SIPA1L3: variants seen among roughly 807,000 people sequenced by gnomAD.
The protein encoded by SIPA1L3 is signal-induced proliferation-associated 1-like protein 3.
SIPA1L3 carries 59 observed loss-of-function variants against 150.1 expected under a neutral mutation model. The ratio of observed to expected loss-of-function variants is 0.39; its 90% confidence interval spans 0.32 to 0.49. SIPA1L3 has a LOEUF of 0.49. Ranked by LOEUF, SIPA1L3 falls within the 20% of genes least tolerant of loss-of-function variation. The probability of loss-of-function intolerance (pLI) is 0.86; values close to 1 mark genes in which losing one functional copy is unlikely to be tolerated. For synonymous variants in SIPA1L3, 1,070 were observed against 1,077.6 expected, an observed-to-expected ratio of 0.99 and a Z score of 0.14; for missense variants, 2,211 against 2,489.5, an observed-to-expected ratio of 0.89 and a Z score of 2.38.
At chr19:38,167,256 C>T (rs1231875951) in intron 15 of SIPA1L3, among the ~76,000 whole-genome samples, 3 of 117,956 alleles carry the variant, frequency 2.5e-5, no homozygotes, top group African/African-American at 8.0e-5. Context: ...AAAGGTGAAG[C>T]AGTGGTTTCC....
chr19:38,111,629 G>C (rs1333556908), intron 8 of SIPA1L3, among the ~76,000 whole-genome samples: 1 of 152,214 alleles, frequency 6.6e-6, no homozygotes, highest in Non-Finnish European at 1.5e-5. Context: ...GAAGGGAGGG[G>C]CATCCCAGCC....
intron 15 of SIPA1L3, among the ~76,000 whole-genome samples, chr19:38,175,909 G>T (rs1972424898): frequency 6.6e-6 from 1 of 152,124 alleles, no homozygotes; most frequent in African/African-American, 2.4e-5. Context: ...TGGCGCTCCA[G>T]AAAGAAAGAA....
chr19:38,162,462 C>A, intron 14 of SIPA1L3, 91 bp downstream of exon 14: 1 of 871,718 alleles, frequency 1.1e-6, no homozygotes, highest in South Asian at 1.4e-5. Context: ...TCCTCAACCT[C>A]TGCCACCTTC....
chr19:37,928,531 T>C (rs544364013), intron 1 of SIPA1L3, among the ~76,000 whole-genome samples: 7 of 152,168 alleles, frequency 4.6e-5, no homozygotes, highest in Non-Finnish European at 1.0e-4. Flanking sequence ...GCCAAGATCA[T>C]GCCACTGCAC....
At chr19:37,948,632 C>G (rs971662687) in intron 1 of SIPA1L3, among the ~76,000 whole-genome samples, 1 of 152,118 alleles carries the variant, frequency 6.6e-6, no homozygotes, top group African/African-American at 2.4e-5. Context: ...AGCACCTATG[C>G]CATGGCACAC....
chr19:38,074,370 T>TC (rs1969791651), intron 2 of SIPA1L3, among the ~76,000 whole-genome samples: 1 of 152,240 alleles, frequency 6.6e-6, no homozygotes, highest in Non-Finnish European at 1.5e-5. Flanking sequence ...GGTGCTTGCA[T>TC]AAGCAAGTCA....
intron 12 of SIPA1L3, among the ~76,000 whole-genome samples, chr19:38,149,383 T>C (rs967366742): frequency 1.3e-5 from 2 of 152,004 alleles, no homozygotes; most frequent in African/African-American, 4.8e-5. Context: ...AGACTCCGTC[T>C]CAAAAAAACA....
chr19:37,956,482 G>GTTTTTTTTT (rs34804753), intron 1 of SIPA1L3, among the ~76,000 whole-genome samples: 1 of 126,882 alleles, frequency 7.9e-6, no homozygotes, highest in African/African-American at 2.9e-5. Context: ...AAGTATAAAA[G>GTTTTTTTTT]TTTTGTTTTT....
At chr19:38,190,560 A>G (rs1255721617) in intron 16 of SIPA1L3, among the ~76,000 whole-genome samples, 1 of 152,212 alleles carries the variant, frequency 6.6e-6, no homozygotes, top group Non-Finnish European at 1.5e-5. Context: ...AAACAGAAAA[A>G]GGAAATCCAG....
At chr19:38,132,004 G>T (rs1218530773) in intron 10 of SIPA1L3, among the ~76,000 whole-genome samples, 6 of 152,022 alleles carry the variant, frequency 3.9e-5, no homozygotes, top group Admixed American at 2.0e-4. Context: ...GGAGGCTGAG[G>T]TGGGAAGATC....
At chr19:38,142,437 T>A in intron 11 of SIPA1L3, 136 bp from the exon 12 acceptor site, 1 of 943,032 alleles carries the variant, frequency 1.1e-6, no homozygotes, top group South Asian at 1.8e-5. Context: ...AGAAGGGATG[T>A]GGCTGGGCGG....
chr19:37,973,485 T>A (rs1966990550), intron 1 of SIPA1L3, among the ~76,000 whole-genome samples: 1 of 124,026 alleles, frequency 8.1e-6, no homozygotes, highest in Non-Finnish European at 1.6e-5. Flanking sequence ...TCCACCCACC[T>A]CGGTCTCCCA....
At chr19:38,051,758 G>A (rs1344283803) in intron 2 of SIPA1L3, among the ~76,000 whole-genome samples, 1 of 152,064 alleles carries the variant, frequency 6.6e-6, no homozygotes, top group African/African-American at 2.4e-5. Context: ...CACCACACCT[G>A]CTAACTTTTT....
intron 2 of SIPA1L3, among the ~76,000 whole-genome samples, chr19:38,067,252 A>G (rs1375381461): frequency 2.6e-5 from 4 of 151,960 alleles, no homozygotes; most frequent in African/African-American, 9.7e-5. Context: ...GCACAGTTCT[A>G]ACTTATTCTT....
intron 8 of SIPA1L3, among the ~76,000 whole-genome samples, chr19:38,112,414 A>G (rs908952883): frequency 3.3e-5 from 5 of 151,448 alleles, no homozygotes; most frequent in South Asian, 2.1e-4. Context: ...CTTCGTCCCC[A>G]CTCTGACCTC....
At chr19:38,189,624 G>T (rs1972762077) in intron 16 of SIPA1L3, among the ~76,000 whole-genome samples, 2 of 152,108 alleles carry the variant, frequency 1.3e-5, no homozygotes, top group South Asian at 4.1e-4. Context: ...AAATTAGCCA[G>T]GCGTGGTGGC....
rs11670302 is a variant in SIPA1L3 at position 37,927,729 on chromosome 19, T to G, written c.-379+20371T>G. Among the ~76,000 whole-genome samples, 425 of 146,804 alleles carry G rather than the reference T, an allele frequency of 2.9e-3. 2 individuals carry two copies. Among genetic ancestry groups the G allele is most frequent in the South Asian group, 0.027 (124 of 4,656 alleles). On this transcript the variant is annotated intron_variant, in intron 1 of 21. Transcript: ENST00000222345. The stretch of plus-strand genomic sequence containing the variant: ...AGCTCTCACTTGTAAGAACATGGGG[T>G]GTGTGTGTGTGTGTGTGTACGTGTA...
chr19:38,003,018 C>T (rs922333526), intron 1 of SIPA1L3, among the ~76,000 whole-genome samples: 2 of 151,978 alleles, frequency 1.3e-5, no homozygotes, highest in African/African-American at 4.8e-5. Context: ...TGGTGGCATG[C>T]TGCTGTAGTC....
At chr19:37,935,032 T>A (rs1477049206) in intron 1 of SIPA1L3, among the ~76,000 whole-genome samples, 3 of 152,170 alleles carry the variant, frequency 2.0e-5, no homozygotes, top group Non-Finnish European at 4.4e-5. Flanking sequence ...ATTGCAGATG[T>A]CCAACCTGTT....
Sources: allele counts gnomAD v4.1 joint callset (sites outside exome capture counted in the v4.1 genomes callset), GRCh38; gene constraint gnomAD v4.1.1; transcripts MANE v1.5; gene names NCBI Gene and HGNC (gene_info 2026-07-23, HGNC 2026-07-21).